The following NXN variants were observed in gnomAD, a reference collection of about 807,000 sequenced individuals.
The protein encoded by NXN is nucleoredoxin 1.
A neutral mutation model predicts 48.6 loss-of-function variants in NXN; 16 were observed. The ratio of observed to expected loss-of-function variants is 0.33; its 90% CI spans 0.22 to 0.50. The LOEUF (loss-of-function observed/expected upper bound fraction) is 0.50, where lower values mean the gene tolerates loss of function less well. Among genes scored for constraint, NXN ranks in the 20% least tolerant of loss-of-function variants. The pLI is 0.98. For missense variants in NXN, 492 were observed against 605.5 expected (o/e 0.81, Z 1.97); for synonymous variants, 281 against 269.6 (o/e 1.04, Z -0.41).
chr17:931,542 T>A (rs1326954134), intron 1 of NXN, among the ~76,000 whole-genome samples: 1 of 152,052 alleles, frequency 6.6e-6, no homozygotes, highest in African/African-American at 2.4e-5. Flanking sequence ...TTATTTATTT[T>A]AAAAAAATTT....
chr17:955,465 T>C (rs191274869), intron 1 of NXN, among the ~76,000 whole-genome samples: 420 of 149,096 alleles, frequency 2.8e-3, no homozygotes, highest in African/African-American at 9.4e-3. Context: ...ACACTGTGCC[T>C]GGCCTCATCT....
chr17:852,229 T>C (rs1206552962), intron 1 of NXN, among the ~76,000 whole-genome samples: 1 of 152,198 alleles, frequency 6.6e-6, no homozygotes, highest in Non-Finnish European at 1.5e-5. Context: ...GGCATCCGGA[T>C]GACACCTCCT....
chr17:979,198 G>T lies in NXN; in HGVS notation c.360+121C>A, dbSNP rs1475672848. Reference sequence around the variant, plus strand: ...GGGGGACTGGGGGCAGGGGTCGGGGGGTGGAGGGCGGGCAGGGGGACAACG... The same window carrying T: ...GGGGGACTGGGGGCAGGGGTCGGGGTGTGGAGGGCGGGCAGGGGGACAACG... On this transcript the variant is annotated intron_variant, in intron 1 of 7. Coordinates refer to ENST00000336868, the MANE Select transcript of NXN (RefSeq NM_022463.5). 6 of 403,362 alleles carry T rather than the reference G, an allele frequency of 1.5e-5. No individual in the cohort carries two copies. The East Asian group carries it at 4.6e-4, about 31-fold the overall frequency. 25.0% of individuals were successfully genotyped at this position (403,362 alleles called of 1,614,324 possible).
At chr17:976,797 G>A (rs970782635) in intron 1 of NXN, among the ~76,000 whole-genome samples, 3 of 146,786 alleles carry the variant, frequency 2.0e-5, no homozygotes, top group Admixed American at 6.8e-5. Context: ...ACAGAGTTTC[G>A]CTCTTGTTGC....
At position 830,803 on chromosome 17, in the gene NXN, A is replaced by ACAGCCTGG. The variant is rs1458991985; in HGVS notation, c.361-4733_361-4726dup. On this transcript the variant is annotated intron_variant, in intron 1 of 7. Transcript: ENST00000336868. This position sits in a 1 kb window ranked among gnomAD's most constrained non-coding sequence, Gnocchi z 4.2. ...ATCATCTGAGGTCAGGAGTTCGACA[A>ACAGCCTGG]CAGCCTGGCCAACACGGTGAAAGCC... Among the ~76,000 whole-genome samples the ACAGCCTGG allele has an allele frequency of 6.6e-6, 1 of 152,070 alleles. No homozygotes were observed. Among genetic ancestry groups the ACAGCCTGG allele is most frequent in the Admixed American group, 6.6e-5 (1 of 15,254 alleles).
At chr17:819,983 A>G (rs1912733983) in intron 4 of NXN, among the ~76,000 whole-genome samples, 1 of 152,192 alleles carries the variant, frequency 6.6e-6, no homozygotes, top group African/African-American at 2.4e-5. Flanking sequence ...AAACCCTAGG[A>G]AAGGCACACC....
Position 880,775 on chromosome 17 carries a change from T to C in NXN, c.361-54697A>G, listed in dbSNP as rs577417983. The stretch of plus-strand genomic sequence containing the variant: ...ATCTGTCAAATTCCTTATCCATATC[T>C]AGGAGCAGAGCTTCCTTTTGGCCAA... On this transcript the variant is annotated intron_variant, in intron 1 of 7. Coordinates refer to ENST00000336868, the MANE Select transcript of NXN (RefSeq NM_022463.5). 5.9e-3 allele frequency among the ~76,000 whole-genome samples: 902 copies of C among 152,102 alleles called. 6 individuals are homozygous for C. Among genetic ancestry groups the C allele is most frequent in the Non-Finnish European group, 1.0e-2 (679 of 67,994 alleles).
intron 1 of NXN, among the ~76,000 whole-genome samples, chr17:907,008 C>G (rs1057331705): frequency 1.3e-5 from 2 of 152,160 alleles, no homozygotes; most frequent in Non-Finnish European, 2.9e-5. Flanking sequence ...GTCCTTCCTT[C>G]CCAGAGGCAC....
At chr17:832,150 G>A (rs1265477650) in intron 1 of NXN, among the ~76,000 whole-genome samples, 6 of 150,742 alleles carry the variant, frequency 4.0e-5, no homozygotes, top group African/African-American at 7.4e-5. Flanking sequence ...CCCTTCAAAC[G>A]TAAGCATGTG....
intron 1 of NXN, among the ~76,000 whole-genome samples, chr17:912,855 G>A (rs1434844329): frequency 1.3e-5 from 2 of 152,118 alleles, no homozygotes; most frequent in Non-Finnish European, 2.9e-5. Context: ...TCGGGAGGCT[G>A]AGGCAGGAGA....
At chr17:874,613 G>T (rs1221760643) in intron 1 of NXN, among the ~76,000 whole-genome samples, 1 of 150,846 alleles carries the variant, frequency 6.6e-6, no homozygotes, top group Non-Finnish European at 1.5e-5. Flanking sequence ...ACCCAGTCTT[G>T]TTATGTCCTT....
chr17:852,130 C>T (rs1396439016), intron 1 of NXN, among the ~76,000 whole-genome samples: 1 of 152,256 alleles, frequency 6.6e-6, no homozygotes, highest in Non-Finnish European at 1.5e-5. Flanking sequence ...CTTATCCCTG[C>T]ATGCCGGCCA....
intron 1 of NXN, among the ~76,000 whole-genome samples, chr17:846,103 T>C (rs972338763): frequency 1.6e-4 from 24 of 151,708 alleles, no homozygotes; most frequent in African/African-American, 5.6e-4. Context: ...AATAAGGTTT[T>C]AAAAATTAGG....
intron 1 of NXN, among the ~76,000 whole-genome samples, chr17:964,502 T>C (rs1011580827): frequency 1.3e-5 from 2 of 152,200 alleles, no homozygotes; most frequent in African/African-American, 4.8e-5. Context: ...CTTAAGAACA[T>C]TTGTAAAAAG....
intron 1 of NXN, among the ~76,000 whole-genome samples, chr17:964,783 T>C (rs887289965): frequency 6.6e-6 from 1 of 152,142 alleles, no homozygotes; most frequent in Non-Finnish European, 1.5e-5. Context: ...CCTAAAATAT[T>C]AAGAAAAACA....
Position 843,785 on chromosome 17 carries a change from G to T in NXN, c.361-17707C>A, listed in dbSNP as rs142180179. ...CTGAGTAGCACCTTTCGACGTGAAC[G>T]TTGGGACCCTGACCTGCAGCGTCTT... On this transcript the variant is annotated intron_variant, in intron 1 of 7. Coordinates refer to ENST00000336868, the MANE Select transcript of NXN (RefSeq NM_022463.5). Among the ~76,000 whole-genome samples the T allele has an allele frequency of 5.3e-4, 80 of 152,306 alleles. No homozygotes were observed. The East Asian group carries it at 0.015, about 28-fold the overall frequency.
In NXN at chr17:920,482, G is replaced by A. The variant is rs138532361; in HGVS notation, c.360+58837C>T. ...TCCAGCGTTCTCCTCCCAGGGTTCC[G>A]CTCCCTCCCCAAGTGACCAGCCCTC... is the stretch of plus-strand genomic sequence containing the variant. On this transcript the variant is annotated intron_variant, in intron 1 of 7. Transcript: ENST00000336868. This position sits in a 1 kb window ranked among gnomAD's most constrained non-coding sequence, Gnocchi z 4.6. 1.3e-4 allele frequency among the ~76,000 whole-genome samples: 20 copies of A among 151,928 alleles called. No individual in the cohort carries two copies. Among genetic ancestry groups the A allele is most frequent in the Middle Eastern group, 3.4e-3 (1 of 294 alleles).
chr17:858,737 AAAAGAAAG>A (rs1275326182), intron 1 of NXN, among the ~76,000 whole-genome samples: 152 of 152,210 alleles, frequency 1.0e-3, no homozygotes, highest in South Asian at 2.5e-3. Flanking sequence ...TCAAAAAAAA[AAAAGAAAG>A]AAAGAAAGAA....
In NXN at chr17:896,954, G is replaced by C. The variant is rs1340830910; in HGVS notation, c.361-70876C>G. ...TTTTCCCAAGCCAGTCCCCTCCTAG[G>C]CCTGTTGCAGTGACGCCTCTCCTAG... is the stretch of plus-strand genomic sequence containing the variant. On this transcript the variant is annotated intron_variant, in intron 1 of 7. Transcript: ENST00000336868. 3.3e-6 allele frequency: 4 copies of C among 1,209,272 alleles called. No homozygotes were observed. In the East Asian group the frequency reaches 2.3e-4, roughly 70 times the overall value. 74.9% of individuals were successfully genotyped at this position (1,209,272 alleles called of 1,614,324 possible). A position where few individuals can be genotyped will look rare whatever the true frequency, so the allele number is the denominator to read the frequency against.
Sources: allele counts gnomAD v4.1 joint callset (sites outside exome capture counted in the v4.1 genomes callset), GRCh38; gene constraint gnomAD v4.1.1; non-coding constraint Gnocchi (gnomAD v3.1); transcripts MANE v1.5; gene names NCBI Gene and HGNC (gene_info 2026-07-23, HGNC 2026-07-21).